MPDZ: variants seen among roughly 807,000 people sequenced by gnomAD.
MPDZ encodes multiple PDZ domain protein.
A neutral mutation model predicts 239.1 loss-of-function variants in MPDZ; 234 were observed. That is an observed-to-expected ratio of 0.98 (90% CI 0.88 to 1.09). The LOEUF (loss-of-function observed/expected upper bound fraction) is 1.09, where lower values mean the gene tolerates loss of function less well. MPDZ is among the 50% of genes least tolerant of loss of function. The probability of loss-of-function intolerance (pLI) is 0.00; values close to 1 mark genes in which losing one functional copy is unlikely to be tolerated. For missense variants in MPDZ, 3,175 were observed against 2,510.0 expected, an observed-to-expected ratio of 1.26 and a Z score of -5.66; for synonymous variants, 1,048 against 881.3, an observed-to-expected ratio of 1.19 and a Z score of -3.35.
At chr9:13,182,864 A>C (rs1459018470) in intron 19 of MPDZ, among the ~76,000 whole-genome samples, 2 of 152,188 alleles carry the variant, frequency 1.3e-5, no homozygotes, top group Non-Finnish European at 1.5e-5. Flanking sequence ...AGATATGTCA[A>C]ATAGTGACTA....
chr9:13,139,698 G>C (rs1340106657), intron 28 of MPDZ, among the ~76,000 whole-genome samples: 1 of 152,182 alleles, frequency 6.6e-6, no homozygotes, highest in East Asian at 1.9e-4. Flanking sequence ...GAGACACAGA[G>C]TGGCTGATCC....
Position 13,216,770 on chromosome 9 carries a change from T to A in MPDZ, c.1290+4A>T. ...ACAAAGCTATTGTTAAATGTGTAAC[T>A]TACTGCTATAATTTGGTCTCCAATT... On this transcript the variant is annotated splice_donor_region_variant and intron_variant, in intron 10 of 46. Coordinates refer to ENST00000319217, the MANE Select transcript of MPDZ (RefSeq NM_001378778.1). 6.3e-7 allele frequency: 1 copy of A among 1,592,146 alleles called. No individual in the cohort carries two copies. The highest frequency in any genetic ancestry group is 8.6e-7 in the Non-Finnish European group (1 of 1,162,710).
intron 24 of MPDZ, among the ~76,000 whole-genome samples, chr9:13,152,415 C>T (rs563427146): frequency 1.3e-5 from 2 of 152,050 alleles, no homozygotes; most frequent in Non-Finnish European, 2.9e-5. Flanking sequence ...CTTTCCTGTG[C>T]TTTTCTCATG....
At chr9:13,118,402 T>C (rs1264635326) in intron 39 of MPDZ, among the ~76,000 whole-genome samples, 1 of 152,188 alleles carries the variant, frequency 6.6e-6, no homozygotes, top group Non-Finnish European at 1.5e-5. Flanking sequence ...AGATCTTATA[T>C]AAACCTGAGA....
chr9:13,206,208 A>G (rs556799156), intron 10 of MPDZ, 109 bp from the exon 11 acceptor site: 11 of 1,022,562 alleles, frequency 1.1e-5, no homozygotes, highest in South Asian at 7.3e-5. Flanking sequence ...AGAATGGAGA[A>G]TAAGTATTCA....
chr9:13,115,777 C>T (rs1275088726), intron 39 of MPDZ, among the ~76,000 whole-genome samples: 6 of 151,870 alleles, frequency 4.0e-5, no homozygotes, highest in Non-Finnish European at 4.4e-5. Flanking sequence ...AACCCTGTCT[C>T]TACTAAAAAT....
chr9:13,256,848 T>G (rs983069343), intron 1 of MPDZ, among the ~76,000 whole-genome samples: 6 of 152,132 alleles, frequency 3.9e-5, no homozygotes, highest in African/African-American at 1.4e-4. Context: ...ATGGCACCAA[T>G]AGACTTGCTT....
chr9:13,202,456 C>A (rs1044405754), intron 12 of MPDZ, among the ~76,000 whole-genome samples: 1 of 152,130 alleles, frequency 6.6e-6, no homozygotes, highest in Non-Finnish European at 1.5e-5. Flanking sequence ...ACAGATTGTA[C>A]CCCAGAAGCA....
chr9:13,115,748 A>G (rs1041509682), intron 39 of MPDZ, among the ~76,000 whole-genome samples: 2 of 152,062 alleles, frequency 1.3e-5, no homozygotes, highest in African/African-American at 4.8e-5. Context: ...GATCAAGACC[A>G]TCCTGGCTAA....
chr9:13,205,897 C>G lies in MPDZ; in HGVS notation c.1474+19G>C, dbSNP rs1187041736. ...ACAATATAAAGGTCTAACTAAAAACCAGATTAACATAGGATTACCTTTGAT... is the reference window on the plus strand; with the variant it reads ...ACAATATAAAGGTCTAACTAAAAACGAGATTAACATAGGATTACCTTTGAT... On this transcript the variant is annotated intron_variant, in intron 11 of 46. Coordinates refer to ENST00000319217, the MANE Select transcript of MPDZ (RefSeq NM_001378778.1). The G allele has an allele frequency of 6.5e-7, 1 of 1,527,400 alleles. No individual in the cohort carries two copies. Among genetic ancestry groups the G allele is most frequent in the African/African-American group, 1.4e-5 (1 of 71,474 alleles). The allele number at this position is 1,527,400 out of a possible 1,614,324, so 94.6% of individuals were successfully genotyped here.
chr9:13,199,541 A>G (rs953570334), intron 12 of MPDZ, among the ~76,000 whole-genome samples: 3 of 151,914 alleles, frequency 2.0e-5, no homozygotes, highest in Non-Finnish European at 4.4e-5. Context: ...ACTTATGTTG[A>G]AAAAAAGGTG....
chr9:13,117,395 G>C (rs192378100), intron 39 of MPDZ, among the ~76,000 whole-genome samples: 23 of 152,156 alleles, frequency 1.5e-4, no homozygotes, highest in Admixed American at 1.2e-3. Context: ...GCTGGGCGTG[G>C]TGGCAGGCGC....
chr9:13,205,768 A>T, intron 11 of MPDZ, 148 bp downstream of exon 11: 1 of 674,298 alleles, frequency 1.5e-6, no homozygotes, highest in Non-Finnish European at 2.3e-6. Context: ...ACACTTCTTT[A>T]CTCGCCTTGG....
At chr9:13,123,668 T>C (rs1944701741) in intron 35 of MPDZ, among the ~76,000 whole-genome samples, 1 of 152,174 alleles carries the variant, frequency 6.6e-6, no homozygotes, top group South Asian at 2.1e-4. Context: ...GCAAACACAT[T>C]TCTTATGAAT....
rs755256638 is a variant in MPDZ, at chr9:13,221,457, C to T, written c.791G>A (p.Gly264Glu). ...HMETIELVND[G>E]SGLGFGIIGG... Reference sequence around the variant, plus strand: ...TATGATGCCAAATCCCAAACCAGATCCATCATTCACCAATTCAATCGTTTC... The same window carrying T: ...TATGATGCCAAATCCCAAACCAGATTCATCATTCACCAATTCAATCGTTTC... Residue 264 changes from glycine to glutamate, a missense_variant, in exon 7 of 47, where the codon GGA becomes GAA. Physicochemically the swap from Gly to Glu is moderately conservative, Grantham distance 98 (BLOSUM62 -2). Transcript: ENST00000319217. 9.9e-6 allele frequency: 16 copies of T among 1,611,196 alleles called. No individual in the cohort carries two copies. The highest frequency in any genetic ancestry group is 1.4e-5 in the Non-Finnish European group (16 of 1,178,230).
chr9:13,227,091 A>G (rs915219093), intron 3 of MPDZ, among the ~76,000 whole-genome samples: 2 of 152,136 alleles, frequency 1.3e-5, no homozygotes, highest in Non-Finnish European at 2.9e-5. Flanking sequence ...CATTAGGTAA[A>G]GAACATCCAC....
chr9:13,110,688 T>G lies in MPDZ; in HGVS notation c.5777A>C (p.His1926Pro). 1 of 1,613,752 alleles carries G rather than the reference T, an allele frequency of 6.2e-7. No individual in the cohort carries two copies. Among genetic ancestry groups the G allele is most frequent in the Non-Finnish European group, 8.5e-7 (1 of 1,179,786 alleles). ...TTTCAGTAGGTTAACTGCTTGGGTG[T>G]GAGTCATGCCCTCAGTGGATGTGCC... ...ICGTSTEGMTHTQAVNLLKNA... is the reference protein window; with the variant it reads ...ICGTSTEGMTPTQAVNLLKNA... The change falls in exon 44 of 47, where the codon CAC becomes CCC. Residue 1926 changes from histidine to proline, a missense_variant. Transcript: ENST00000319217.
chr9:13,188,259 T>C (rs1954405756), intron 17 of MPDZ, among the ~76,000 whole-genome samples: 1 of 152,186 alleles, frequency 6.6e-6, no homozygotes, highest in Non-Finnish European at 1.5e-5. Flanking sequence ...GGCTCACACC[T>C]GTATTCCTAG....
chr9:13,136,746 A>G lies in MPDZ; in HGVS notation c.4258T>C (p.Cys1420Arg). The G allele has an allele frequency of 6.2e-7, 1 of 1,602,504 alleles. No homozygotes were observed. Among genetic ancestry groups the G allele is most frequent in the Non-Finnish European group, 8.5e-7 (1 of 1,173,294 alleles). ...SHQNASSIIK[C>R]APSKVKIIFI... ...ATTATTTTCACTTTAGAAGGGGCAC[A>G]TTTAATGATTGATGAGGCATTCTGA... is the stretch of plus-strand genomic sequence containing the variant. Residue 1420 changes from cysteine (C) to arginine (R), a missense_variant, in exon 30 of 47, where the codon TGT (cysteine) becomes CGT (arginine). Physicochemically the swap from Cys to Arg is radical, Grantham distance 180. Coordinates refer to ENST00000319217, the MANE Select transcript of MPDZ (RefSeq NM_001378778.1).
Sources: allele counts gnomAD v4.1 joint callset (sites outside exome capture counted in the v4.1 genomes callset), GRCh38; gene constraint gnomAD v4.1.1; transcripts MANE v1.5; gene names NCBI Gene and HGNC (gene_info 2026-07-23, HGNC 2026-07-21).